Variants in NLRP5 observed in about 807,000 individuals in gnomAD.
NLRP5 encodes the protein NLR family pyrin domain containing 5.
A neutral mutation model predicts 113.1 loss-of-function variants in NLRP5; 93 were observed. That is an observed-to-expected ratio of 0.82 (90% CI 0.70 to 0.98). The LOEUF (loss-of-function observed/expected upper bound fraction) is 0.98, where lower values mean the gene tolerates loss of function less well. Among genes scored for constraint, NLRP5 ranks in the 50% least tolerant of loss-of-function variants. The probability of loss-of-function intolerance (pLI) is 0.00; values close to 1 mark genes in which losing one functional copy is unlikely to be tolerated. For missense variants in NLRP5, 1,808 were observed against 1,514.3 expected (o/e 1.19, Z -3.22); for synonymous variants, 751 against 600.7 (o/e 1.25, Z -3.66).
intron 13 of NLRP5, among the ~76,000 whole-genome samples, chr19:56,055,398 C>A (rs1984094207): frequency 6.6e-6 from 1 of 151,892 alleles, no homozygotes; most frequent in Admixed American, 6.6e-5. Flanking sequence ...TTCTTTAGTT[C>A]CTCTTCGATC....
At chr19:56,024,445 T>G (rs138606044) in intron 6 of NLRP5, among the ~76,000 whole-genome samples, 10,091 of 145,640 alleles carry the variant, frequency 0.069, 421 homozygotes, top group African/African-American at 0.1. Flanking sequence ...ATACATATAT[T>G]TATATATACG....
intron 3 of NLRP5, among the ~76,000 whole-genome samples, chr19:56,013,595 G>GTTTTTTTTTTTTTTTTTTTTT (rs1418924718): frequency 2.6e-4 from 8 of 30,980 alleles, no homozygotes; most frequent in Non-Finnish European, 3.4e-4. Context: ...TGGACATTTG[G>GTTTTTTTTTTTTTTTTTTTTT]GTTTTTTTTT....
intron 9 of NLRP5, among the ~76,000 whole-genome samples, chr19:56,035,393 T>A (rs1393974118): frequency 2.0e-5 from 3 of 152,224 alleles, no homozygotes; most frequent in African/African-American, 7.2e-5. Context: ...AAATGTTGTC[T>A]CAGGACGGAA....
At chr19:56,036,060 T>C (rs1000876180) in intron 9 of NLRP5, among the ~76,000 whole-genome samples, 8 of 128,456 alleles carry the variant, frequency 6.2e-5, no homozygotes, top group Admixed American at 3.9e-4. Context: ...TTGAGATTCT[T>C]TTTTTTTTTT....
rs141951929 is a variant in NLRP5, at chr19:56,034,234, C to G, written c.2615+525C>G. Reference sequence around the variant, plus strand: ...TGAAACTCCATCTCTACCAAAAATACAAAAATTAGCCAGGCGTGGCAGCCA... The same window carrying G: ...TGAAACTCCATCTCTACCAAAAATAGAAAAATTAGCCAGGCGTGGCAGCCA... On this transcript the variant is annotated intron_variant, in intron 9 of 14. Coordinates refer to ENST00000390649, the MANE Select transcript of NLRP5 (RefSeq NM_153447.4). Among the ~76,000 whole-genome samples the G allele has an allele frequency of 9.1e-3, 1,388 of 152,250 alleles. 17 individuals are homozygous for G. Among genetic ancestry groups the G allele is most frequent in the African/African-American group, 0.03 (1,238 of 41,550 alleles).
At position 56,041,009 on chromosome 19, in the gene NLRP5, A is replaced by G. The variant is rs776944586; in HGVS notation, c.2874A>G (p.Leu958=). 74 of 1,613,964 alleles carry G rather than the reference A, an allele frequency of 4.6e-5. No homozygotes were observed. Among genetic ancestry groups the G allele is most frequent in the Non-Finnish European group, 5.9e-5 (70 of 1,179,884 alleles). Residue 958 remains leucine (L), a synonymous_variant, in exon 11 of 15, where the codon CTA becomes CTG. Transcript: ENST00000390649. ...ACCGGAGCTTGACACACCTGTGCCT[A>G]TCCAACAACAGCCTGGGGAACGAAG...
intron 6 of NLRP5, among the ~76,000 whole-genome samples, chr19:56,024,507 GTATA>G (rs1568489518): frequency 1.2e-5 from 1 of 85,192 alleles, no homozygotes; most frequent in African/African-American, 4.9e-5. Context: ...ATATGTATAT[GTATA>G]TGTGTATGTA....
At chr19:55,992,371 CTT>C in the NLRP5 span, among the ~76,000 whole-genome samples, 2 of 152,090 alleles carry the variant, frequency 1.3e-5, no homozygotes, top group South Asian at 4.1e-4. Flanking sequence ...TTATATTCCT[CTT>C]AGTGTATATA....
At chr19:56,012,242 A>G (rs1038892881) in intron 3 of NLRP5, among the ~76,000 whole-genome samples, 3 of 151,696 alleles carry the variant, frequency 2.0e-5, no homozygotes, top group Admixed American at 6.6e-5. Flanking sequence ...TCCACCTCCC[A>G]GGTTCACACC....
intron 4 of NLRP5, among the ~76,000 whole-genome samples, chr19:56,018,418 C>T (rs1982489305): frequency 6.6e-6 from 1 of 152,086 alleles, no homozygotes; most frequent in Non-Finnish European, 1.5e-5. Flanking sequence ...TACTATATGC[C>T]AGAGGCTGTG....
At chr19:56,006,160 C>G (rs910120532) in intron 2 of NLRP5, among the ~76,000 whole-genome samples, 12 of 152,050 alleles carry the variant, frequency 7.9e-5, no homozygotes, top group South Asian at 4.1e-4. Flanking sequence ...TCATTCTCAG[C>G]AAACTATCAC....
At chr19:56,046,399 C>CATGTGTGTGTGTGTGTGTGTGTGTGT (rs1555770181) in intron 11 of NLRP5, among the ~76,000 whole-genome samples, 5 of 148,070 alleles carry the variant, frequency 3.4e-5, no homozygotes, top group African/African-American at 1.2e-4. Context: ...TTTGTAGTTT[C>CATGTGTGTGTGTGTGTGTGTGTGTGT]GTGTGTGTGT....
the NLRP5 span, among the ~76,000 whole-genome samples, chr19:55,990,036 A>T: frequency 1.0e-4 from 14 of 140,300 alleles, no homozygotes; most frequent in East Asian, 2.2e-4. Context: ...ACTTTTTTTT[A>T]AAGTACATTT....
intron 3 of NLRP5, among the ~76,000 whole-genome samples, chr19:56,013,552 A>G (rs1157286871): frequency 4.3e-5 from 5 of 116,166 alleles, no homozygotes. Context: ...TTCCTTTTAT[A>G]TATATACCGC....
intron 4 of NLRP5, chr19:56,018,462 C>G (rs184608302): frequency 1.3e-5 from 2 of 152,264 alleles, no homozygotes; most frequent in East Asian, 3.9e-4. Flanking sequence ...CACAGCAACT[C>G]GACAACATAA....
At chr19:56,058,021 G>T (rs1984218560) in intron 13 of NLRP5, among the ~76,000 whole-genome samples, 2 of 132,536 alleles carry the variant, frequency 1.5e-5, no homozygotes, top group South Asian at 2.3e-4. Flanking sequence ...AGAGTGAAAT[G>T]CTATCTCAAA....
At chr19:56,013,595 G>GGTTTTTTTTTTTTTTTTT (rs1982285442) in intron 3 of NLRP5, among the ~76,000 whole-genome samples, 2 of 30,984 alleles carry the variant, frequency 6.5e-5, no homozygotes, top group East Asian at 1.4e-3. Flanking sequence ...TGGACATTTG[G>GGTTTTTTTTTTTTTTTTT]GTTTTTTTTT....
At chr19:55,995,348 T>TA (rs111697228), upstream of NLRP5, among the ~76,000 whole-genome samples, 438 of 152,264 alleles carry the variant, frequency 2.9e-3, 4 homozygotes, top group African/African-American at 0.01. Context: ...CCCTAGAACT[T>TA]AAAGTATTAA....
In NLRP5 at chr19:56,003,984, C is replaced by T; in HGVS notation, c.331C>T (p.Leu111Phe). The change falls in exon 2 of 15, where the codon CTC becomes TTC. Residue 111 changes from leucine to phenylalanine, a missense_variant. Transcript: ENST00000390649. ...GAATGCCAACGTGGAATGTCTGGCA[C>T]TCCTCTTGCATGAGTATTATGGAGC... is the stretch of plus-strand genomic sequence containing the variant. The T allele has an allele frequency of 1.2e-6, 2 of 1,614,006 alleles. No homozygotes were observed. Among genetic ancestry groups the T allele is most frequent in the Non-Finnish European group, 1.7e-6 (2 of 1,179,898 alleles).
Sources: allele counts gnomAD v4.1 joint callset (sites outside exome capture counted in the v4.1 genomes callset), GRCh38; gene constraint gnomAD v4.1.1; transcripts MANE v1.5; gene names NCBI Gene and HGNC (gene_info 2026-07-23, HGNC 2026-07-21).